Variants in PTPN3 observed in about 807,000 individuals in gnomAD.
PTPN3 encodes the protein protein tyrosine phosphatase non-receptor type 3.
In PTPN3, 96 loss-of-function variants were observed where a neutral mutation model predicts 132.7. The observed-to-expected ratio is 0.72, with a 90% CI of 0.61 to 0.86. The LOEUF (loss-of-function observed/expected upper bound fraction) is 0.86, where lower values mean the gene tolerates loss of function less well. Among genes scored for constraint, PTPN3 ranks in the 40% least tolerant of loss-of-function variants. The pLI is 0.00. For missense variants in PTPN3, 1,125 were observed against 1,159.6 expected (o/e 0.97, Z 0.43); for synonymous variants, 398 against 429.0 (o/e 0.93, Z 0.89).
intron 1 of PTPN3, among the ~76,000 whole-genome samples, chr9:109,495,260 T>C (rs892246376): frequency 6.6e-6 from 1 of 152,298 alleles, no homozygotes; most frequent in South Asian, 2.1e-4. Flanking sequence ...TGGGAAAAGA[T>C]AAAGAGGCAT....
chr9:109,382,667 C>A (rs1839210242), intron 23 of PTPN3, among the ~76,000 whole-genome samples: 1 of 152,038 alleles, frequency 6.6e-6, no homozygotes, highest in African/African-American at 2.4e-5. Flanking sequence ...TCCTTGATCA[C>A]TTCTGCCCAG....
intron 17 of PTPN3, among the ~76,000 whole-genome samples, chr9:109,407,315 T>A (rs1841647711): frequency 6.6e-6 from 1 of 152,004 alleles, no homozygotes; most frequent in African/African-American, 2.4e-5. Flanking sequence ...TGAGCCTAGT[T>A]TGAGGCTGCA....
chr9:109,487,659 G>A lies in PTPN3; in HGVS notation c.-18+10560C>T, dbSNP rs185550735. On this transcript the variant is annotated intron_variant, in intron 1 of 25. Transcript: ENST00000374541. ...TATATCATCTTTTCTACATGAAAAC[G>A]AAAAGAAGAAAAAGACAGCCTAGCA... is the stretch of plus-strand genomic sequence containing the variant. Among the ~76,000 whole-genome samples the A allele has an allele frequency of 1.7e-3, 262 of 152,282 alleles. 1 individual carries two copies. The highest frequency in any genetic ancestry group is 2.5e-3 in the Non-Finnish European group (171 of 68,026).
intron 5 of PTPN3, chr9:109,449,734 G>A (rs561676250): frequency 1.0e-6 from 1 of 985,428 alleles, no homozygotes; most frequent in Admixed American, 6.1e-5. Context: ...GATGACAAAA[G>A]GGAAACCTCT....
At chr9:109,398,266 C>T (rs1193813548) in intron 19 of PTPN3, among the ~76,000 whole-genome samples, 5 of 152,228 alleles carry the variant, frequency 3.3e-5, no homozygotes, top group African/African-American at 4.8e-5. Flanking sequence ...GCCTGGGCCA[C>T]AGAATGAGAC....
intron 13 of PTPN3, 48 bp from the exon 14 acceptor site, chr9:109,420,648 T>C (rs933117267): frequency 6.5e-7 from 1 of 1,546,216 alleles, no homozygotes; most frequent in Non-Finnish European, 8.8e-7. Flanking sequence ...CAAATTCCAC[T>C]TAAAAATTTT....
chr9:109,533,953 T>C, the PTPN3 span: 1 of 756,980 alleles, frequency 1.3e-6, no homozygotes, highest in Non-Finnish European at 2.4e-6. Flanking sequence ...CACCAGGACC[T>C]ATAACATGTG....
intron 5 of PTPN3, among the ~76,000 whole-genome samples, chr9:109,452,315 G>A (rs1401274862): frequency 2.7e-5 from 4 of 145,548 alleles, no homozygotes; most frequent in African/African-American, 5.1e-5. Context: ...GAAAACTTCA[G>A]AGTACCTGGT....
At chr9:109,468,892 C>T (rs772564047) in intron 1 of PTPN3, among the ~76,000 whole-genome samples, 13 of 152,206 alleles carry the variant, frequency 8.5e-5, no homozygotes, top group South Asian at 4.1e-4. Context: ...TTTTGTAGGG[C>T]AATCCTGATT....
chr9:109,382,453 G>A lies in PTPN3; in HGVS notation c.2383-6C>T, dbSNP rs1468179762. ...ACTGTGTGTTCTTCCCCGGTCTGTG[G>A]GAGATGCAGTGGCCTTGGTGAGCCC... is the stretch of plus-strand genomic sequence containing the variant. On this transcript the variant is annotated splice_polypyrimidine_tract_variant and splice_region_variant and intron_variant, in intron 23 of 25. Transcript: ENST00000374541. The A allele has an allele frequency of 2.5e-6, 4 of 1,613,958 alleles. No individual in the cohort carries two copies. The highest frequency in any genetic ancestry group is 3.4e-6 in the Non-Finnish European group (4 of 1,180,000).
the PTPN3 span, among the ~76,000 whole-genome samples, chr9:109,528,928 T>C: frequency 6.6e-6 from 1 of 152,232 alleles, no homozygotes; most frequent in Non-Finnish European, 1.5e-5. Flanking sequence ...TGATGTTGGC[T>C]TTCCTTAAAT....
chr9:109,417,190 A>T (rs931092115), intron 14 of PTPN3, among the ~76,000 whole-genome samples: 40 of 152,224 alleles, frequency 2.6e-4, no homozygotes, highest in African/African-American at 9.6e-4. Context: ...AAGGATTCAT[A>T]ACTATAATCA....
rs759659954 is a variant in PTPN3, at chr9:109,382,331, C to T, written c.2499G>A (p.Val833=). ...AGTGAACTAGGACGGGCTCGCTGTC[C>T]ACTCTCAGAGACCTCACATAGTTTA... The part of the protein sequence containing the change: ...EFVNYVRSLR[V]DSEPVLVHCS... The change falls in exon 24 of 26, where the codon GTG becomes GTA. Residue 833 remains valine, a synonymous_variant. Transcript: ENST00000374541. 1 of 1,614,024 alleles carries T rather than the reference C, an allele frequency of 6.2e-7. No individual in the cohort carries two copies. Among genetic ancestry groups the T allele is most frequent in the East Asian group, 2.2e-5 (1 of 44,878 alleles).
intron 1 of PTPN3, among the ~76,000 whole-genome samples, chr9:109,480,114 T>C (rs1284422736): frequency 2.0e-5 from 3 of 152,230 alleles, no homozygotes; most frequent in African/African-American, 7.2e-5. Flanking sequence ...ACTGGCAATT[T>C]GTGCATCTTT....
At chr9:109,431,118 G>C (rs924138846) in intron 10 of PTPN3, among the ~76,000 whole-genome samples, 1 of 152,204 alleles carries the variant, frequency 6.6e-6, no homozygotes, top group African/African-American at 2.4e-5. Context: ...GCCAGGCCTC[G>C]ACAGGAGCCA....
the PTPN3 span, among the ~76,000 whole-genome samples, chr9:109,533,126 ATTTTTTTT>A: frequency 0.22 from 7,989 of 36,290 alleles, 500 homozygotes; most frequent in Admixed American, 0.29. Context: ...TACCTGGCTA[ATTTTTTTT>A]TTTTTTTTTT....
chr9:109,399,001 A>G (rs1840832941), intron 19 of PTPN3, among the ~76,000 whole-genome samples: 1 of 152,172 alleles, frequency 6.6e-6, no homozygotes, highest in Admixed American at 6.5e-5. Flanking sequence ...GGCTACACAA[A>G]GAGTATTTAG....
At chr9:109,387,714 C>T (rs1342037195) in intron 22 of PTPN3, among the ~76,000 whole-genome samples, 1 of 152,180 alleles carries the variant, frequency 6.6e-6, no homozygotes, top group African/African-American at 2.4e-5. Context: ...CTCCTCTGAC[C>T]CCAAAGCCCC....
chr9:109,427,415 A>G (rs565375677), intron 11 of PTPN3, among the ~76,000 whole-genome samples: 1 of 152,338 alleles, frequency 6.6e-6, no homozygotes, highest in South Asian at 2.1e-4. Flanking sequence ...ATACATTTGG[A>G]GCAATCAGAT....
Sources: allele counts gnomAD v4.1 joint callset (sites outside exome capture counted in the v4.1 genomes callset), GRCh38; gene constraint gnomAD v4.1.1; transcripts MANE v1.5; gene names NCBI Gene and HGNC (gene_info 2026-07-23, HGNC 2026-07-21).